The following GPC5 variants were observed in gnomAD, a reference collection of about 807,000 sequenced individuals.
The protein encoded by GPC5 is glypican-5.
Under a neutral mutation model 53.9 loss-of-function variants are expected in GPC5, and 47 were observed. That is an observed-to-expected ratio of 0.87 (90% CI 0.69 to 1.11). The LOEUF (loss-of-function observed/expected upper bound fraction) is 1.11. GPC5 is among the 50% of genes most tolerant of loss of function. GPC5 has a pLI of 0.00. For synonymous variants in GPC5, 286 were observed against 263.3 expected (o/e 1.09, Z -0.84); for missense variants, 748 against 713.1 (o/e 1.05, Z -0.56).
chr13:91,802,754 C>T (rs2038156754), intron 5 of GPC5, among the ~76,000 whole-genome samples: 1 of 152,098 alleles, frequency 6.6e-6, no homozygotes, highest in Admixed American at 6.6e-5. Flanking sequence ...TGAGTATTAG[C>T]ATAATATTAA....
intron 5 of GPC5, among the ~76,000 whole-genome samples, chr13:91,842,073 G>T (rs1325258924): frequency 2.0e-5 from 3 of 151,946 alleles, no homozygotes; most frequent in Non-Finnish European, 2.9e-5. Context: ...TTTGGTTTTT[G>T]TCCATGCCAT....
chr13:91,640,331 G>A (rs1196532943), intron 2 of GPC5, among the ~76,000 whole-genome samples: 1 of 152,140 alleles, frequency 6.6e-6, no homozygotes, highest in Non-Finnish European at 1.5e-5. Context: ...AGACATGACA[G>A]ATACTTCTCA....
At chr13:91,600,017 G>T (rs1264880362) in intron 2 of GPC5, among the ~76,000 whole-genome samples, 4 of 151,886 alleles carry the variant, frequency 2.6e-5, no homozygotes, top group African/African-American at 9.7e-5. Flanking sequence ...TGCCTCCTGG[G>T]TTCAAGCAAT....
At chr13:92,440,536 A>G (rs1026581177) in intron 7 of GPC5, among the ~76,000 whole-genome samples, 25 of 152,152 alleles carry the variant, frequency 1.6e-4, no homozygotes, top group African/African-American at 5.8e-4. Context: ...TGTCTTTGCT[A>G]TTGTGAACAG....
At chr13:92,498,762 TC>T (rs1404213917) in intron 7 of GPC5, among the ~76,000 whole-genome samples, 1 of 152,126 alleles carries the variant, frequency 6.6e-6, no homozygotes, top group African/African-American at 2.4e-5. Context: ...TACTCATTAT[TC>T]CATAACTAAT....
chr13:91,598,597 T>A (rs749359393), intron 2 of GPC5, among the ~76,000 whole-genome samples: 1 of 152,094 alleles, frequency 6.6e-6, no homozygotes, highest in African/African-American at 2.4e-5. Flanking sequence ...TGATATGTTG[T>A]ATTTAATTGT....
chr13:92,857,494 T>C (rs1368409267), intron 7 of GPC5, among the ~76,000 whole-genome samples: 1 of 152,164 alleles, frequency 6.6e-6, no homozygotes, highest in Admixed American at 6.6e-5. Context: ...AAAGAGCTTC[T>C]GTACAGCAAA....
In GPC5 at chr13:91,878,560, A is replaced by G. The variant is rs546349249; in HGVS notation, c.1281-29377A>G. 1.1e-4 allele frequency among the ~76,000 whole-genome samples: 17 copies of G among 152,060 alleles called. No individual in the cohort carries two copies. The South Asian group carries it at 3.3e-3, about 30-fold the overall frequency. On this transcript the variant is annotated intron_variant, in intron 5 of 7. Coordinates refer to ENST00000377067, the MANE Select transcript of GPC5 (RefSeq NM_004466.6). ...TCTTGAATTGTAGTTCCCATAATCT[A>G]TGTGGTTGTTCGAGGGACTTGGTGG...
chr13:91,939,570 A>G (rs917125267), intron 6 of GPC5, among the ~76,000 whole-genome samples: 2 of 152,162 alleles, frequency 1.3e-5, no homozygotes, highest in Non-Finnish European at 2.9e-5. Flanking sequence ...TTTCCCAAGC[A>G]TAGAGTTCAT....
At chr13:91,706,008 G>A (rs1030331256) in intron 3 of GPC5, among the ~76,000 whole-genome samples, 1 of 151,278 alleles carries the variant, frequency 6.6e-6, no homozygotes, top group Admixed American at 6.6e-5. Flanking sequence ...AACTTCCCTG[G>A]TAGCTGGGAT....
At chr13:92,543,645 C>T (rs1050468719) in intron 7 of GPC5, among the ~76,000 whole-genome samples, 2 of 152,008 alleles carry the variant, frequency 1.3e-5, no homozygotes, top group African/African-American at 4.8e-5. Context: ...GAAGGAGAGT[C>T]TCTGCCAAGG....
chr13:91,898,621 C>T (rs2039467141), intron 5 of GPC5, among the ~76,000 whole-genome samples: 7 of 151,810 alleles, frequency 4.6e-5, no homozygotes, highest in Admixed American at 4.6e-4. Flanking sequence ...TTGGGTGGGA[C>T]TAGATGACCT....
chr13:92,025,875 A>C (rs1406395064), intron 6 of GPC5, among the ~76,000 whole-genome samples: 1 of 152,190 alleles, frequency 6.6e-6, no homozygotes, highest in Non-Finnish European at 1.5e-5. Context: ...CATATGTAAC[A>C]GAAAAATGCT....
chr13:91,404,076 A>C (rs1877146679), intron 1 of GPC5, among the ~76,000 whole-genome samples: 1 of 152,134 alleles, frequency 6.6e-6, no homozygotes, highest in African/African-American at 2.4e-5. Context: ...CCCAATCCCT[A>C]TTATTTTTCC....
intron 7 of GPC5, among the ~76,000 whole-genome samples, chr13:92,193,267 T>A (rs1051585701): frequency 2.6e-5 from 4 of 152,254 alleles, no homozygotes; most frequent in Non-Finnish European, 5.9e-5. Flanking sequence ...AAATTTTACA[T>A]TGAAATAAAA....
chr13:92,527,711 A>T (rs1881416999), intron 7 of GPC5, among the ~76,000 whole-genome samples: 1 of 152,144 alleles, frequency 6.6e-6, no homozygotes, highest in Non-Finnish European at 1.5e-5. Flanking sequence ...TATTGCAACC[A>T]CTTCCACTAA....
intron 2 of GPC5, among the ~76,000 whole-genome samples, chr13:91,608,507 G>T (rs1045685442): frequency 6.6e-6 from 1 of 152,114 alleles, no homozygotes. Flanking sequence ...TATTGTTGCA[G>T]GTAGAACCAT....
intron 6 of GPC5, among the ~76,000 whole-genome samples, chr13:91,962,657 C>G (rs2040136793): frequency 6.6e-6 from 1 of 152,000 alleles, no homozygotes; most frequent in South Asian, 2.1e-4. Flanking sequence ...AAAATGGACT[C>G]TCAGTAGTTG....
At chr13:91,429,291 A>AT (rs767677981) in intron 1 of GPC5, among the ~76,000 whole-genome samples, 16 of 152,024 alleles carry the variant, frequency 1.1e-4, no homozygotes, top group East Asian at 1.9e-4. Flanking sequence ...AGATGACTGG[A>AT]TTTTTTTTCA....
Sources: gnomAD v4.1 joint callset for allele counts (sites outside exome capture counted in the v4.1 genomes callset) on GRCh38, gnomAD v4.1.1 for gene constraint, MANE v1.5 for transcripts, NCBI Gene and HGNC (gene_info 2026-07-23, HGNC 2026-07-21) for gene names.